Variants in SNX29 observed in about 807,000 individuals in gnomAD.
SNX29 encodes the protein sorting nexin 29.
SNX29 carries 78 observed loss-of-function variants against 102.1 expected under a neutral mutation model. The observed-to-expected ratio is 0.76, with a 90% CI of 0.64 to 0.92. SNX29 has a LOEUF of 0.92. SNX29 is among the 40% of genes least tolerant of loss of function. SNX29 has a pLI of 0.00. For synonymous variants in SNX29, 580 were observed against 414.5 expected, an observed-to-expected ratio of 1.40 and a Z score of -4.85; for missense variants, 1,280 against 1,061.7, an observed-to-expected ratio of 1.21 and a Z score of -2.86.
intron 18 of SNX29, among the ~76,000 whole-genome samples, chr16:12,415,827 C>A (rs1456753308): frequency 6.6e-6 from 1 of 152,214 alleles, no homozygotes; most frequent in African/African-American, 2.4e-5. Context: ...TGCCCACTCT[C>A]TCCTATATCC....
chr16:12,444,795 A>C (rs763174621), intron 18 of SNX29, among the ~76,000 whole-genome samples: 4 of 151,514 alleles, frequency 2.6e-5, no homozygotes, highest in Non-Finnish European at 4.4e-5. Flanking sequence ...GGGGTGAGCA[A>C]ACTGTGGCTT....
intron 16 of SNX29, among the ~76,000 whole-genome samples, chr16:12,381,527 A>AC (rs2083153535): frequency 8.4e-5 from 1 of 11,902 alleles, no homozygotes; most frequent in Non-Finnish European, 1.6e-4. Context: ...TTCATCCACC[A>AC]ACCCCCCATC....
chr16:12,432,806 G>T (rs978858982), intron 18 of SNX29, among the ~76,000 whole-genome samples: 3 of 152,250 alleles, frequency 2.0e-5, no homozygotes, highest in Non-Finnish European at 4.4e-5. Context: ...AGAATGAAGT[G>T]TAGGGGTGAG....
rs187782856 is a variant in SNX29 at position 12,567,412 on chromosome 16, G to A, written c.2319-1094G>A. ...GGTATTTACTTCCTATTCAAATAGC[G>A]TATAGTAGGCAGAGTAAGAACATTC... On this transcript the variant is annotated intron_variant, in intron 20 of 20. Coordinates refer to ENST00000566228, the MANE Select transcript of SNX29 (RefSeq NM_032167.5). Among the ~76,000 whole-genome samples the A allele has an allele frequency of 1.8e-3, 275 of 152,314 alleles. 2 individuals are homozygous for A. Among genetic ancestry groups the A allele is most frequent in the Non-Finnish European group, 3.3e-3 (227 of 68,030 alleles).
At chr16:12,317,095 C>G (rs2151158791) in intron 15 of SNX29, among the ~76,000 whole-genome samples, 1 of 152,352 alleles carries the variant, frequency 6.6e-6, no homozygotes, top group East Asian at 1.9e-4. Context: ...TACAGTGTTT[C>G]TCCCAGAAGT....
At chr16:12,487,265 G>T (rs1000952698) in intron 19 of SNX29, among the ~76,000 whole-genome samples, 1 of 152,198 alleles carries the variant, frequency 6.6e-6, no homozygotes, top group Non-Finnish European at 1.5e-5. Context: ...CCCCAGCGAT[G>T]CCAGGACCCT....
intron 10 of SNX29, among the ~76,000 whole-genome samples, chr16:12,078,320 C>T (rs142753696): frequency 5.3e-5 from 8 of 151,752 alleles, no homozygotes; most frequent in African/African-American, 1.7e-4. Flanking sequence ...AGTAAAAATA[C>T]AAGAATTAGT....
chr16:12,244,085 T>TA (rs1235879873), intron 14 of SNX29, among the ~76,000 whole-genome samples: 1 of 152,160 alleles, frequency 6.6e-6, no homozygotes, highest in Non-Finnish European at 1.5e-5. Context: ...CAGCTCACAA[T>TA]ACGGTTCATG....
chr16:12,543,656 C>T lies in SNX29; in HGVS notation c.2318+18815C>T, dbSNP rs529671175. On this transcript the variant is annotated intron_variant, in intron 20 of 20. Transcript: ENST00000566228. ...GCAGCTGGTGCCGTCTGTCTCCAGA[C>T]GCTCTTCCAGCCTGCATTCAACAAG... is the stretch of plus-strand genomic sequence containing the variant. Among the ~76,000 whole-genome samples, 27 of 152,346 alleles carry T rather than the reference C, an allele frequency of 1.8e-4. No homozygotes were observed. The East Asian group carries it at 3.3e-3, about 18-fold the overall frequency.
At chr16:12,369,178 C>G (rs1488551095) in intron 16 of SNX29, among the ~76,000 whole-genome samples, 2 of 151,698 alleles carry the variant, frequency 1.3e-5, no homozygotes, top group East Asian at 1.9e-4. Context: ...CTCTGTCACT[C>G]AGACTGGAGT....
chr16:12,459,901 C>G (rs929820388), intron 18 of SNX29, among the ~76,000 whole-genome samples: 2 of 152,182 alleles, frequency 1.3e-5, no homozygotes, highest in African/African-American at 4.8e-5. Flanking sequence ...GAGTCTGTGA[C>G]TAAGAAGATA....
intron 16 of SNX29, among the ~76,000 whole-genome samples, chr16:12,363,750 T>C (rs757641536): frequency 5.3e-5 from 8 of 152,228 alleles, no homozygotes; most frequent in Non-Finnish European, 1.0e-4. Flanking sequence ...GTGGTATCTT[T>C]TTATAATGCA....
intron 3 of SNX29, among the ~76,000 whole-genome samples, chr16:12,024,209 G>A (rs1216883833): frequency 6.6e-6 from 1 of 151,812 alleles, no homozygotes; most frequent in East Asian, 1.9e-4. Flanking sequence ...CACGATCTCG[G>A]CTCACGGCAA....
At chr16:12,288,418 A>G (rs1053972591) in intron 15 of SNX29, among the ~76,000 whole-genome samples, 2 of 152,276 alleles carry the variant, frequency 1.3e-5, no homozygotes, top group East Asian at 1.9e-4. Flanking sequence ...TGACTGCAAA[A>G]CTGCCCTGAG....
At chr16:12,356,658 A>G (rs1160803553) in intron 16 of SNX29, among the ~76,000 whole-genome samples, 1 of 152,130 alleles carries the variant, frequency 6.6e-6, no homozygotes, top group East Asian at 1.9e-4. Context: ...TCTGTTTGCC[A>G]CTTGTTTTTG....
chr16:12,342,956 G>A (rs2081657630), intron 15 of SNX29, among the ~76,000 whole-genome samples: 1 of 152,224 alleles, frequency 6.6e-6, no homozygotes, highest in Non-Finnish European at 1.5e-5. Context: ...GAGGCTCTTG[G>A]CAGCTTTACG....
At chr16:12,324,490 T>G (rs1025794438) in intron 15 of SNX29, among the ~76,000 whole-genome samples, 3 of 152,038 alleles carry the variant, frequency 2.0e-5, no homozygotes, top group Non-Finnish European at 4.4e-5. Context: ...CCCAGGCTGT[T>G]CTCAAATTCC....
intron 18 of SNX29, among the ~76,000 whole-genome samples, chr16:12,431,434 C>CT (rs200189537): frequency 0.051 from 6,945 of 136,880 alleles, 300 homozygotes; most frequent in East Asian, 0.28. Flanking sequence ...TCTTCTTCTT[C>CT]TTTTTTTTTT....
At chr16:12,409,122 C>T (rs1003804038) in intron 18 of SNX29, among the ~76,000 whole-genome samples, 8 of 152,270 alleles carry the variant, frequency 5.3e-5, no homozygotes, top group Middle Eastern at 3.4e-3. Context: ...GTTTTTCATC[C>T]GTGAGTACTT....
Sources: gnomAD v4.1 joint callset for allele counts (sites outside exome capture counted in the v4.1 genomes callset) on GRCh38, gnomAD v4.1.1 for gene constraint, MANE v1.5 for transcripts, NCBI Gene and HGNC (gene_info 2026-07-23, HGNC 2026-07-21) for gene names.